Variants in SH3GLB2 observed in about 807,000 individuals in gnomAD.
SH3GLB2 encodes endophilin-B2.
In SH3GLB2, 24 loss-of-function variants were observed where a neutral mutation model predicts 48.0. That is an observed-to-expected ratio of 0.50 (90% CI 0.36 to 0.70). SH3GLB2 has a LOEUF of 0.70. Ranked by LOEUF, SH3GLB2 falls within the 30% of genes least tolerant of loss-of-function variation. The probability of loss-of-function intolerance (pLI) is 0.00; values close to 1 mark genes in which losing one functional copy is unlikely to be tolerated. For missense variants in SH3GLB2, 425 were observed against 516.0 expected, an observed-to-expected ratio of 0.82 and a Z score of 1.71; for synonymous variants, 227 against 207.6, an observed-to-expected ratio of 1.09 and a Z score of -0.80.
chr9:129,022,286 G>A lies in SH3GLB2; in HGVS notation c.201C>T (p.Asn67=), dbSNP rs369733753. The change falls in exon 2 of 11, where the codon AAC becomes AAT. Residue 67 remains asparagine, a synonymous_variant. Transcript: ENST00000372564. The stretch of plus-strand genomic sequence containing the variant: ...GGCCCACGAACACGCACTCACTGGG[G>A]TTGGGCTGCAGCAGCACCTCTGTCT... ...LRQTEVLLQP[N]PSARVEEFLY... The A allele has an allele frequency of 1.2e-6, 2 of 1,613,698 alleles. No individual in the cohort carries two copies. The highest frequency in any genetic ancestry group is 1.7e-6 in the Non-Finnish European group (2 of 1,179,992).
At chr9:129,024,830 C>T (rs1259506281) in intron 1 of SH3GLB2, among the ~76,000 whole-genome samples, 4 of 150,850 alleles carry the variant, frequency 2.7e-5, no homozygotes, top group Non-Finnish European at 5.9e-5. Flanking sequence ...ATTAGCCAAG[C>T]GTGGTGGCAG....
Position 129,021,284 on chromosome 9 carries a change from C to T in SH3GLB2, c.206-65G>A. On this transcript the variant is annotated intron_variant, in intron 2 of 10. Transcript: ENST00000372564. The stretch of plus-strand genomic sequence containing the variant: ...TTCAAGCCCAAAAATGAAACAGAAA[C>T]AGACCCAGACCCGGCCCTGCCCACA... 3.3e-6 allele frequency: 5 copies of T among 1,493,372 alleles called. No homozygotes were observed. The South Asian group carries it at 6.6e-5, about 20-fold the overall frequency. 92.5% of individuals were successfully genotyped at this position (1,493,372 alleles called of 1,614,324 possible).
At chr9:129,012,325 G>A in intron 5 of SH3GLB2, 27 bp from the exon 6 acceptor site, 3 of 1,277,462 alleles carry the variant, frequency 2.3e-6, no homozygotes, top group Non-Finnish European at 3.0e-6. Flanking sequence ...TTCATGTGGG[G>A]AGGGGGTCAC....
In SH3GLB2 at chr9:129,012,743, C is replaced by G. The variant is rs1426188464; in HGVS notation, c.562-445G>C. On this transcript the variant is annotated intron_variant, in intron 5 of 10. Transcript: ENST00000372564. ...CATCTCTTGCTCCTGCATCAAGGGC[C>G]AGGCCCCTCCCGACAATGAAGGTGG... is the stretch of plus-strand genomic sequence containing the variant. The G allele has an allele frequency of 7.1e-6, 4 of 561,748 alleles. No homozygotes were observed. In the African/African-American group the frequency reaches 7.5e-5, roughly 11 times the overall value. 34.8% of individuals were successfully genotyped at this position (561,748 alleles called of 1,614,324 possible).
In SH3GLB2 at chr9:129,014,388, C is replaced by T; in HGVS notation, c.561+23G>A. The T allele has an allele frequency of 6.5e-7, 1 of 1,548,380 alleles. No individual in the cohort carries two copies. The highest frequency in any genetic ancestry group is 2.4e-5 in the East Asian group (1 of 40,906). On this transcript the variant is annotated intron_variant, in intron 5 of 10. Coordinates refer to ENST00000372564, the MANE Select transcript of SH3GLB2 (RefSeq NM_020145.4). This position sits in a 1 kb window ranked among gnomAD's most constrained non-coding sequence, Gnocchi z 4.1. ...CCAGCCAGAGCCTGGGCCAGGAGGC[C>T]AGCGGGGAGCGGGGACACCTACCGT...
intron 3 of SH3GLB2, among the ~76,000 whole-genome samples, chr9:129,015,294 C>G (rs1843359169): frequency 6.6e-6 from 1 of 151,850 alleles, no homozygotes; most frequent in Non-Finnish European, 1.5e-5. Flanking sequence ...CTCGGCAGTT[C>G]CAGACCACCC....
rs758243713 is a variant in SH3GLB2, at chr9:129,008,671, TG to T, written c.*12del. On this transcript the variant is annotated 3_prime_UTR_variant, in exon 11 of 11. Coordinates refer to ENST00000372564, the MANE Select transcript of SH3GLB2 (RefSeq NM_020145.4). Reference sequence around the variant, plus strand: ...TGCCTAGGCCAGAATGCGGGGGGGATGGGGGCACCTGCCTAGCTGAGCAGTT... The same window carrying T: ...TGCCTAGGCCAGAATGCGGGGGGGATGGGGCACCTGCCTAGCTGAGCAGTT... The T allele has an allele frequency of 2.6e-5, 42 of 1,607,130 alleles. No homozygotes were observed. The highest frequency in any genetic ancestry group is 6.7e-5 in the African/African-American group (5 of 74,904).
intron 3 of SH3GLB2, among the ~76,000 whole-genome samples, chr9:129,020,682 A>AC (rs1843732656): frequency 1.3e-5 from 2 of 151,658 alleles, no homozygotes; most frequent in Middle Eastern, 3.2e-3. Flanking sequence ...CCTGGCTAAC[A>AC]TGGTGAAACC....
intron 5 of SH3GLB2, chr9:129,013,213 C>G (rs1239531972): frequency 1.6e-6 from 1 of 609,250 alleles, no homozygotes; most frequent in Non-Finnish European, 2.9e-6. Context: ...AGCTGTGGAG[C>G]TTGAGTCCTC....
Position 129,024,831 on chromosome 9 carries a change from G to A in SH3GLB2, c.64-2408C>T, listed in dbSNP as rs374217262. 5.9e-5 allele frequency among the ~76,000 whole-genome samples: 9 copies of A among 151,472 alleles called. No homozygotes were observed. The East Asian group carries it at 7.8e-4, about 13-fold the overall frequency. ...TAAAAATACAAAAAATTAGCCAAGC[G>A]TGGTGGCAGGCGCCTGTAATCCCAG... On this transcript the variant is annotated intron_variant, in intron 1 of 10. Transcript: ENST00000372564.
At position 129,008,647 on chromosome 9, in the gene SH3GLB2, G is replaced by T; in HGVS notation, c.*37C>A. 6.5e-7 allele frequency: 1 copy of T among 1,531,184 alleles called. No homozygotes were observed. Among genetic ancestry groups the T allele is most frequent in the African/African-American group, 1.4e-5 (1 of 73,408 alleles). 94.8% of individuals were successfully genotyped at this position (1,531,184 alleles called of 1,614,324 possible). On this transcript the variant is annotated 3_prime_UTR_variant, in exon 11 of 11. Transcript: ENST00000372564. The stretch of plus-strand genomic sequence containing the variant: ...GGCAGGGCTGCGCCCATCCTCTCCT[G>T]CCTAGGCCAGAATGCGGGGGGGATG...
intron 9 of SH3GLB2, 131 bp downstream of exon 9, chr9:129,009,638 CCA>C (rs1842987064): frequency 7.3e-7 from 1 of 1,379,106 alleles, no homozygotes; most frequent in Non-Finnish European, 1.0e-6. Flanking sequence ...ATGCCCGCAC[CCA>C]GAGTGGGTTC....
chr9:129,009,788 C>T lies in SH3GLB2; in HGVS notation c.822G>A (p.Leu274=), dbSNP rs372531518. Residue 274 remains leucine, a synonymous_variant, in exon 9 of 11, where the codon TTG becomes TTA. Coordinates refer to ENST00000372564, the MANE Select transcript of SH3GLB2 (RefSeq NM_020145.4). Reference sequence around the variant, plus strand: ...CCCCGCACCTGCCCAGCTGCTTCTGCAAGTCCAGCATGTGGCGGTAGCACT... The same window carrying T: ...CCCCGCACCTGCCCAGCTGCTTCTGTAAGTCCAGCATGTGGCGGTAGCACT... ...YAQCYRHMLD[L]QKQLGRFPGT... The T allele has an allele frequency of 1.5e-5, 24 of 1,613,406 alleles. No homozygotes were observed. The African/African-American group carries it at 2.8e-4, about 19-fold the overall frequency.
chr9:129,024,478 A>G (rs1844017854), intron 1 of SH3GLB2, among the ~76,000 whole-genome samples: 1 of 150,626 alleles, frequency 6.6e-6, no homozygotes, highest in Middle Eastern at 3.4e-3. Flanking sequence ...GGAGAATGGC[A>G]TGAACCTGGG....
At chr9:129,016,911 A>G (rs1843461731) in intron 3 of SH3GLB2, among the ~76,000 whole-genome samples, 1 of 151,494 alleles carries the variant, frequency 6.6e-6, no homozygotes, top group Admixed American at 6.6e-5. Flanking sequence ...GAGAAATAAG[A>G]TAATTCAACA....
intron 8 of SH3GLB2, 49 bp from the exon 9 acceptor site, chr9:129,009,920 C>T (rs767370768): frequency 1.9e-6 from 3 of 1,558,032 alleles, no homozygotes; most frequent in Non-Finnish European, 2.6e-6. Context: ...GCCCTCAGAA[C>T]AAAAAATTCC....
chr9:129,012,733 C>T, intron 5 of SH3GLB2: 1 of 542,850 alleles, frequency 1.8e-6, no homozygotes, highest in Non-Finnish European at 3.3e-6. Context: ...CTTGCTCCTG[C>T]ATCAAGGGCC....
At chr9:129,021,064 T>C in intron 3 of SH3GLB2, 27 bp downstream of exon 3, 1 of 1,552,028 alleles carries the variant, frequency 6.4e-7, no homozygotes, top group Non-Finnish European at 8.7e-7. Context: ...CCATGACCCC[T>C]AGTCCCTGGC....
intron 5 of SH3GLB2, chr9:129,012,677 C>G (rs984760949): frequency 1.0e-5 from 5 of 484,970 alleles, no homozygotes; most frequent in African/African-American, 7.7e-5. Context: ...CAGCCCACCC[C>G]CAACTGGGAT....
Sources: gnomAD v4.1 joint callset for allele counts (sites outside exome capture counted in the v4.1 genomes callset) on GRCh38, gnomAD v4.1.1 for gene constraint, Gnocchi (gnomAD v3.1) non-coding constraint, MANE v1.5 for transcripts, NCBI Gene and HGNC (gene_info 2026-07-23, HGNC 2026-07-21) for gene names.